The following ZNF827 variants were observed in gnomAD, a reference collection of about 807,000 sequenced individuals.
ZNF827 encodes the protein zinc finger protein 827.
Under a neutral mutation model 102.4 loss-of-function variants are expected in ZNF827, and 13 were observed. The observed-to-expected ratio is 0.13, with a 90% confidence interval of 0.08 to 0.20. The LOEUF is 0.20. Ranked by LOEUF, ZNF827 falls within the 10% of genes least tolerant of loss-of-function variation. The probability of loss-of-function intolerance (pLI) is 1.00; values close to 1 mark genes in which losing one functional copy is unlikely to be tolerated. For synonymous variants in ZNF827, 523 were observed against 536.2 expected, an observed-to-expected ratio of 0.98 and a Z score of 0.34; for missense variants, 1,103 against 1,344.4, an observed-to-expected ratio of 0.82 and a Z score of 2.81.
At chr4:145,848,920 A>G (rs1004575379) in intron 6 of ZNF827, among the ~76,000 whole-genome samples, 2 of 152,136 alleles carry the variant, frequency 1.3e-5, no homozygotes, top group Admixed American at 6.5e-5. Context: ...ATTAATTCAG[A>G]CCACACTAAT....
Position 145,902,160 on chromosome 4 carries a change from C to A in ZNF827, c.1093+6G>T, listed in dbSNP as rs775287664. ...TACACGATGATTGAAAGAAAAGATGCCATACCTGAATTGGAGGGTTTAGAA... is the reference window on the plus strand; with the variant it reads ...TACACGATGATTGAAAGAAAAGATGACATACCTGAATTGGAGGGTTTAGAA... On this transcript the variant is annotated splice_donor_region_variant and intron_variant, in intron 2 of 14. Coordinates refer to ENST00000508784, the MANE Select transcript of ZNF827 (RefSeq NM_001306215.2). This position sits in a 1 kb window ranked among gnomAD's most constrained non-coding sequence, Gnocchi z 4.3. 2 of 1,577,326 alleles carry A rather than the reference C, an allele frequency of 1.3e-6. No individual in the cohort carries two copies. Among genetic ancestry groups the A allele is most frequent in the South Asian group, 2.4e-5 (2 of 82,898 alleles).
intron 4 of ZNF827, among the ~76,000 whole-genome samples, chr4:145,875,847 C>A (rs1332463163): frequency 6.6e-6 from 1 of 152,144 alleles, no homozygotes. Context: ...TTCCAAGGAA[C>A]CCTAGGATAT....
At chr4:145,781,124 A>T (rs1737924505) in intron 8 of ZNF827, among the ~76,000 whole-genome samples, 2 of 124,778 alleles carry the variant, frequency 1.6e-5, no homozygotes, top group African/African-American at 6.0e-5. Context: ...TGAACCCGGG[A>T]GGTGGAGGTT....
intron 8 of ZNF827, among the ~76,000 whole-genome samples, chr4:145,821,608 G>A (rs149630058): frequency 0.014 from 2,057 of 151,820 alleles, 38 homozygotes; most frequent in Non-Finnish European, 0.018. Flanking sequence ...AAATGTAAAT[G>A]TAGTCATTTT....
At chr4:145,907,246 C>G (rs1352086179) in intron 1 of ZNF827, 1 of 455,398 alleles carries the variant, frequency 2.2e-6, no homozygotes, top group Non-Finnish European at 4.4e-6. Flanking sequence ...ATTTTCATGT[C>G]CAATCTCATA....
At chr4:145,914,571 CT>C (rs990376331) in intron 1 of ZNF827, among the ~76,000 whole-genome samples, 1 of 152,152 alleles carries the variant, frequency 6.6e-6, no homozygotes, top group Non-Finnish European at 1.5e-5. Context: ...TCCTTGTCTC[CT>C]TTTATTTTCC....
intron 1 of ZNF827, among the ~76,000 whole-genome samples, chr4:145,904,497 G>A (rs913923821): frequency 1.3e-5 from 2 of 152,184 alleles, no homozygotes; most frequent in Non-Finnish European, 1.5e-5. Flanking sequence ...CAGAAGTGGT[G>A]GCATTTCAGC....
intron 8 of ZNF827, among the ~76,000 whole-genome samples, chr4:145,792,053 A>G (rs973609085): frequency 2.6e-5 from 4 of 152,230 alleles, no homozygotes; most frequent in African/African-American, 9.6e-5. Context: ...AAAGGCTGAT[A>G]GCCTTGAGGC....
intron 8 of ZNF827, among the ~76,000 whole-genome samples, chr4:145,808,275 T>C (rs1741682211): frequency 6.6e-6 from 1 of 152,194 alleles, no homozygotes. Flanking sequence ...TCTAATCTTT[T>C]TTTATAAATC....
rs1056628020 is a variant in ZNF827 at position 145,770,613 on chromosome 4, T to C, written c.2860+3893A>G. On this transcript the variant is annotated intron_variant, in intron 11 of 14. Coordinates refer to ENST00000508784, the MANE Select transcript of ZNF827 (RefSeq NM_001306215.2). ...ACATAATAAAATATAATAATAATGA[T>C]AACTAATACTTTGTATTTTCCCATG... Among the ~76,000 whole-genome samples the C allele has an allele frequency of 2.6e-5, 4 of 151,944 alleles. No individual in the cohort carries two copies. The South Asian group carries it at 8.3e-4, about 31-fold the overall frequency.
Position 145,902,068 on chromosome 4 carries a change from G to T in ZNF827, c.1093+98C>A. On this transcript the variant is annotated intron_variant, in intron 2 of 14. Coordinates refer to ENST00000508784, the MANE Select transcript of ZNF827 (RefSeq NM_001306215.2). This position sits in a 1 kb window ranked among gnomAD's most constrained non-coding sequence, Gnocchi z 4.3. ...CTCTTGCTTTTTTATTCCTGCCTCAGATCAGATGGGGAACCCAACTGAAAA... is the reference window on the plus strand; with the variant it reads ...CTCTTGCTTTTTTATTCCTGCCTCATATCAGATGGGGAACCCAACTGAAAA... The T allele has an allele frequency of 6.9e-7, 1 of 1,445,738 alleles. No homozygotes were observed. Among genetic ancestry groups the T allele is most frequent in the Non-Finnish European group, 9.2e-7 (1 of 1,081,502 alleles). 89.6% of individuals were successfully genotyped at this position (1,445,738 alleles called of 1,614,324 possible).
At chr4:145,852,437 C>T (rs1030331249) in intron 5 of ZNF827, among the ~76,000 whole-genome samples, 5 of 152,184 alleles carry the variant, frequency 3.3e-5, no homozygotes, top group Non-Finnish European at 7.3e-5. Flanking sequence ...GATAAAAAGC[C>T]TTTGACCTTC....
At chr4:145,806,924 A>C (rs1482011500) in intron 8 of ZNF827, among the ~76,000 whole-genome samples, 1 of 152,118 alleles carries the variant, frequency 6.6e-6, no homozygotes, top group Non-Finnish European at 1.5e-5. Flanking sequence ...CTGGTGCCCT[A>C]AGATTAATTT....
chr4:145,933,794 A>AC (rs1437372859), intron 1 of ZNF827, among the ~76,000 whole-genome samples: 1 of 151,468 alleles, frequency 6.6e-6, no homozygotes, highest in African/African-American at 2.4e-5. Context: ...GGTGAAAAAA[A>AC]AAAAAACAAA....
chr4:145,898,931 C>T (rs572153428), intron 2 of ZNF827, among the ~76,000 whole-genome samples: 11 of 152,216 alleles, frequency 7.2e-5, no homozygotes, highest in South Asian at 2.1e-4. Flanking sequence ...TAAGAATCAA[C>T]TTTATATGCT....
intron 2 of ZNF827, among the ~76,000 whole-genome samples, chr4:145,894,656 G>A (rs1355261569): frequency 6.6e-6 from 1 of 152,186 alleles, no homozygotes; most frequent in African/African-American, 2.4e-5. Flanking sequence ...AATTCCACTT[G>A]TGATGTGTTC....
intron 5 of ZNF827, among the ~76,000 whole-genome samples, chr4:145,854,787 G>C (rs189225546): frequency 1.5e-3 from 232 of 152,280 alleles, no homozygotes; most frequent in African/African-American, 5.5e-3. Context: ...TCCCCTCTGT[G>C]AGCAGCCTTC....
At chr4:145,935,298 C>A (rs1396658904) in intron 1 of ZNF827, among the ~76,000 whole-genome samples, 1 of 152,132 alleles carries the variant, frequency 6.6e-6, no homozygotes, top group Non-Finnish European at 1.5e-5. Context: ...CAATTATATT[C>A]GACATTAAAT....
chr4:145,927,617 T>A (rs1022885131), intron 1 of ZNF827, among the ~76,000 whole-genome samples: 59 of 152,300 alleles, frequency 3.9e-4, no homozygotes, highest in African/African-American at 1.4e-3. Flanking sequence ...AAGCAATTTA[T>A]AGTGGCCAAA....
Sources: allele counts gnomAD v4.1 joint callset (sites outside exome capture counted in the v4.1 genomes callset), GRCh38; gene constraint gnomAD v4.1.1; non-coding constraint Gnocchi (gnomAD v3.1); transcripts MANE v1.5; gene names NCBI Gene and HGNC (gene_info 2026-07-23, HGNC 2026-07-21).